The following PLXNA4 variants were observed in gnomAD, a reference collection of about 807,000 sequenced individuals.
PLXNA4 encodes the protein plexin A4.
Under a neutral mutation model 191.8 loss-of-function variants are expected in PLXNA4, and 44 were observed. The ratio of observed to expected loss-of-function variants is 0.23; its 90% CI spans 0.18 to 0.29. The LOEUF is 0.29. PLXNA4 is among the 10% of genes least tolerant of loss of function. PLXNA4 has a pLI of 1.00. For missense variants in PLXNA4, 1,800 were observed against 2,488.8 expected (o/e 0.72, Z 5.89); for synonymous variants, 1,082 against 1,009.5 (o/e 1.07, Z -1.36).
chr7:132,290,967 C>A (rs1484000822), intron 4 of PLXNA4, among the ~76,000 whole-genome samples: 1 of 152,196 alleles, frequency 6.6e-6, no homozygotes, highest in Non-Finnish European at 1.5e-5. Flanking sequence ...GAGCTAAGCT[C>A]TTTTACATGG....
intron 3 of PLXNA4, among the ~76,000 whole-genome samples, chr7:132,482,141 C>T (rs1024183729): frequency 6.6e-6 from 1 of 152,194 alleles, no homozygotes; most frequent in African/African-American, 2.4e-5. Flanking sequence ...GTGATCCCCA[C>T]CTCTGGGTAT....
At chr7:132,132,146 C>G (rs1794946100) in intron 31 of PLXNA4, among the ~76,000 whole-genome samples, 1 of 152,234 alleles carries the variant, frequency 6.6e-6, no homozygotes, top group Non-Finnish European at 1.5e-5. Context: ...CAGGCCTCCT[C>G]CTACCCAGCA....
chr7:132,641,805 T>C (rs976769118), intron 2 of PLXNA4, among the ~76,000 whole-genome samples: 2 of 152,164 alleles, frequency 1.3e-5, no homozygotes, highest in African/African-American at 4.8e-5. Context: ...ATCATGCACC[T>C]AACTCCACTG....
chr7:132,304,171 C>G (rs1374467450), intron 3 of PLXNA4, among the ~76,000 whole-genome samples: 1 of 152,124 alleles, frequency 6.6e-6, no homozygotes, highest in Non-Finnish European at 1.5e-5. Flanking sequence ...TAGAGTAAAA[C>G]TTGGAAAAAG....
chr7:132,325,122 G>C (rs1802309433), intron 3 of PLXNA4, among the ~76,000 whole-genome samples: 1 of 152,090 alleles, frequency 6.6e-6, no homozygotes, highest in South Asian at 2.1e-4. Context: ...GTAACTTTTA[G>C]CTTAGTTCAG....
intron 4 of PLXNA4, among the ~76,000 whole-genome samples, chr7:132,297,814 A>G (rs1801146801): frequency 6.6e-6 from 1 of 152,220 alleles, no homozygotes; most frequent in South Asian, 2.1e-4. Context: ...TTCAGAAGAA[A>G]GCAAATGTTG....
chr7:132,142,567 A>T lies in PLXNA4; in HGVS notation c.5226-1756T>A, dbSNP rs138908520. On this transcript the variant is annotated intron_variant, in intron 29 of 31. Coordinates refer to ENST00000321063, the MANE Select transcript of PLXNA4 (RefSeq NM_020911.2). ...CAAGACTGCCAATCAGTCGACAAGG[A>T]TCTATTAAGTTCCTACAAAGTGTGC... Among the ~76,000 whole-genome samples the T allele has an allele frequency of 2.0e-5, 3 of 152,352 alleles. No individual in the cohort carries two copies. In the East Asian group the frequency reaches 5.8e-4, roughly 29 times the overall value.
rs184074368 is a variant in PLXNA4, at chr7:132,334,773, A to G, written c.1372-36551T>C. ...TACTAGACATGAAACGCTCTTCCTT[A>G]TATTTCTACCAACCTGCCCTCAGGC... On this transcript the variant is annotated intron_variant, in intron 3 of 31. Coordinates refer to ENST00000321063, the MANE Select transcript of PLXNA4 (RefSeq NM_020911.2). Among the ~76,000 whole-genome samples the G allele has an allele frequency of 1.3e-3, 196 of 152,326 alleles. 2 individuals carry two copies. Among genetic ancestry groups the G allele is most frequent in the African/African-American group, 4.5e-3 (187 of 41,582 alleles).
At chr7:132,217,447 T>C (rs562245699) in intron 9 of PLXNA4, among the ~76,000 whole-genome samples, 54 of 152,240 alleles carry the variant, frequency 3.5e-4, no homozygotes, top group African/African-American at 1.2e-3. Context: ...AATTCTCCTA[T>C]TGTTACAGCA....
intron 1 of PLXNA4, among the ~76,000 whole-genome samples, chr7:132,547,886 CCT>C (rs1475370298): frequency 2.6e-5 from 4 of 152,204 alleles, no homozygotes; most frequent in Admixed American, 2.6e-4. Context: ...GCAGAAAGCA[CCT>C]CTCTTTGTAG....
intron 5 of PLXNA4, among the ~76,000 whole-genome samples, chr7:132,237,645 CTCAAG>C (rs1482515291): frequency 6.6e-6 from 1 of 152,140 alleles, no homozygotes; most frequent in Non-Finnish European, 1.5e-5. Context: ...AACCAGGAGG[CTCAAG>C]GTTACGAATG....
At chr7:132,216,697 AG>A (rs1797973815) in intron 9 of PLXNA4, among the ~76,000 whole-genome samples, 1 of 152,202 alleles carries the variant, frequency 6.6e-6, no homozygotes, top group Non-Finnish European at 1.5e-5. Flanking sequence ...AACACATATA[AG>A]ATCACTCCTA....
chr7:132,464,092 G>A (rs1353495577), intron 3 of PLXNA4, among the ~76,000 whole-genome samples: 1 of 152,240 alleles, frequency 6.6e-6, no homozygotes, highest in Non-Finnish European at 1.5e-5. Flanking sequence ...ACAGTTTGCT[G>A]TAATAATACC....
At chr7:132,266,006 G>A (rs886174398) in intron 4 of PLXNA4, among the ~76,000 whole-genome samples, 1 of 152,192 alleles carries the variant, frequency 6.6e-6, no homozygotes, top group African/African-American at 2.4e-5. Context: ...GAATCAAGAA[G>A]AAGTTGACTC....
chr7:132,228,881 C>T (rs1204469481), intron 5 of PLXNA4, among the ~76,000 whole-genome samples: 1 of 152,026 alleles, frequency 6.6e-6, no homozygotes, highest in East Asian at 1.9e-4. Context: ...TTCTGCTGGA[C>T]TTCCTTTTCC....
At chr7:132,300,460 G>A (rs1158950431) in intron 3 of PLXNA4, among the ~76,000 whole-genome samples, 2 of 152,170 alleles carry the variant, frequency 1.3e-5, no homozygotes, top group African/African-American at 2.4e-5. Context: ...AATGAATGTA[G>A]TTCAGATTCC....
intron 4 of PLXNA4, among the ~76,000 whole-genome samples, chr7:132,247,931 C>T (rs1474003207): frequency 6.6e-6 from 1 of 152,196 alleles, no homozygotes; most frequent in African/African-American, 2.4e-5. Flanking sequence ...TGGTCCCAGG[C>T]TGTGGCAGAT....
intron 19 of PLXNA4, 108 bp from the exon 20 acceptor site, chr7:132,180,029 G>C: frequency 1.4e-6 from 2 of 1,450,628 alleles, no homozygotes; most frequent in African/African-American, 2.8e-5. Flanking sequence ...ACGGAAAGGA[G>C]ACCAATCACT....
rs115777713 is a variant in PLXNA4, at chr7:132,381,989, C to A, written c.1372-83767G>T. ...CCAGTTTCTCTCAATCAATTATTCA[C>A]ACTCCTGTTTGCTTGCTTTGAGAGA... On this transcript the variant is annotated intron_variant, in intron 3 of 31. Transcript: ENST00000321063. Among the ~76,000 whole-genome samples the A allele has an allele frequency of 2.8e-3, 430 of 151,382 alleles. 2 individuals carry two copies. The highest frequency in any genetic ancestry group is 1.0e-2 in the African/African-American group (408 of 40,908).
Sources: gnomAD v4.1 joint callset for allele counts (sites outside exome capture counted in the v4.1 genomes callset) on GRCh38, gnomAD v4.1.1 for gene constraint, MANE v1.5 for transcripts, NCBI Gene and HGNC (gene_info 2026-07-23, HGNC 2026-07-21) for gene names.